Variants in DCAKD observed in about 807,000 individuals in gnomAD.
DCAKD encodes dephospho-CoA kinase domain-containing protein.
A neutral mutation model predicts 18.7 loss-of-function variants in DCAKD; 15 were observed. The observed-to-expected ratio is 0.80, with a 90% confidence interval of 0.54 to 1.24. DCAKD has a LOEUF of 1.24. Ranked by LOEUF, DCAKD falls within the 50% of genes most tolerant of loss-of-function variation. The pLI is 0.00. For synonymous variants in DCAKD, 130 were observed against 133.0 expected (o/e 0.98, Z 0.16); for missense variants, 301 against 322.0 (o/e 0.93, Z 0.50).
chr17:45,056,971 G>C (rs1262651241), intron 1 of DCAKD, among the ~76,000 whole-genome samples: 1 of 151,272 alleles, frequency 6.6e-6, no homozygotes, highest in African/African-American at 2.4e-5. Context: ...GTTTCACCAT[G>C]TTAGCCAGGA....
Position 45,034,321 on chromosome 17 carries a change from T to C in DCAKD, c.182A>G (p.Asn61Ser). ...EVFGTEVLLENGDINRKVLGD... is the reference protein window; with the variant it reads ...EVFGTEVLLESGDINRKVLGD... ...CAGGACCTTGCGATTTATGTCGCCG[T>C]TCTCCAGCAAGACCTCAGTGCCGAA... The change falls in exon 3 of 5, where the codon AAC becomes AGC. Residue 61 changes from asparagine to serine, a missense_variant. Transcript: ENST00000651974. 1 of 1,614,110 alleles carries C rather than the reference T, an allele frequency of 6.2e-7. No individual in the cohort carries two copies. The highest frequency in any genetic ancestry group is 8.5e-7 in the Non-Finnish European group (1 of 1,180,034).
chr17:45,031,035 G>A, intron 3 of DCAKD: 2 of 985,404 alleles, frequency 2.0e-6, no homozygotes, highest in Middle Eastern at 5.2e-4. Context: ...AAAGCTGGGA[G>A]GGCTCCAGGA....
intron 1 of DCAKD, among the ~76,000 whole-genome samples, chr17:45,048,213 ACT>A (rs1283536848): frequency 1.3e-5 from 2 of 150,694 alleles, no homozygotes; most frequent in African/African-American, 4.9e-5. Flanking sequence ...ACATAGTGAG[ACT>A]CTGTCTCTAC....
chr17:45,049,327 T>C (rs2053638824), intron 1 of DCAKD, among the ~76,000 whole-genome samples: 1 of 151,776 alleles, frequency 6.6e-6, no homozygotes, highest in South Asian at 2.1e-4. Context: ...CTTAGTTACT[T>C]TGGTGGCTAA....
At chr17:45,025,744 C>CTTTTTTTTTT in intron 4 of DCAKD, among the ~76,000 whole-genome samples, 1 of 103,882 alleles carries the variant, frequency 9.6e-6, no homozygotes, top group Non-Finnish European at 1.8e-5. Flanking sequence ...TTGGTTCCTT[C>CTTTTTTTTTT]TTTTTTTTTT....
At chr17:45,043,872 C>T (rs1217713977) in intron 1 of DCAKD, among the ~76,000 whole-genome samples, 1 of 152,068 alleles carries the variant, frequency 6.6e-6, no homozygotes, top group African/African-American at 2.4e-5. Context: ...GCCTCTCTCA[C>T]ACCCTCCATC....
rs1331940862 is a variant in DCAKD, at chr17:45,023,372, C to CT, written c.*1060dup. 2 of 152,204 alleles carry CT rather than the reference C, an allele frequency of 1.3e-5. No individual in the cohort carries two copies. The highest frequency in any genetic ancestry group is 2.9e-5 in the Non-Finnish European group (2 of 68,060). 9.4% of individuals were successfully genotyped at this position (152,204 alleles called of 1,614,324 possible). On this transcript the variant is annotated 3_prime_UTR_variant, in exon 5 of 5. Coordinates refer to ENST00000651974, the MANE Select transcript of DCAKD (RefSeq NM_001288655.2). ...GTCTGGGGCATTTCAGATCAACACACTTTATTAAACACCAACAGCGGGCCA... is the reference window on the plus strand; with the variant it reads ...GTCTGGGGCATTTCAGATCAACACACTTTTATTAAACACCAACAGCGGGCCA...
In DCAKD at chr17:45,024,227, G is replaced by C. The variant is rs1366678608; in HGVS notation, c.*206C>G. On this transcript the variant is annotated 3_prime_UTR_variant, in exon 5 of 5. Coordinates refer to ENST00000651974, the MANE Select transcript of DCAKD (RefSeq NM_001288655.2). ...GCAGGCTATTTCTTGATCTCAAATA[G>C]GATACACTCCAAAGACGGGATGGCC... 1 of 625,400 alleles carries C rather than the reference G, an allele frequency of 1.6e-6. No homozygotes were observed. Among genetic ancestry groups the C allele is most frequent in the African/African-American group, 1.8e-5 (1 of 54,752 alleles). 38.7% of individuals were successfully genotyped at this position (625,400 alleles called of 1,614,324 possible).
In DCAKD at chr17:45,026,005, G is replaced by C. The variant is rs539125284; in HGVS notation, c.405-1281C>G. On this transcript the variant is annotated intron_variant, in intron 4 of 4. Coordinates refer to ENST00000651974, the MANE Select transcript of DCAKD (RefSeq NM_001288655.2). The stretch of plus-strand genomic sequence containing the variant: ...ACAATCTCTGCTCACTGTAGCCTCT[G>C]TCTCTTGGGATCAAGAGGTCTTCCT... 3.3e-5 allele frequency among the ~76,000 whole-genome samples: 5 copies of C among 151,580 alleles called. No homozygotes were observed. The East Asian group carries it at 9.7e-4, about 29-fold the overall frequency.
chr17:45,054,993 C>A (rs1269239553), upstream of DCAKD, among the ~76,000 whole-genome samples: 1 of 152,190 alleles, frequency 6.6e-6, no homozygotes, highest in Non-Finnish European at 1.5e-5. Context: ...CCAAAAGCAG[C>A]TGCACCTCTG....
chr17:45,052,102 C>A (rs141126897), upstream of DCAKD, among the ~76,000 whole-genome samples: 1 of 144,732 alleles, frequency 6.9e-6, no homozygotes, highest in African/African-American at 2.5e-5. Flanking sequence ...GGAGGGCGGC[C>A]GGACGGACGC....
intron 1 of DCAKD, among the ~76,000 whole-genome samples, chr17:45,038,674 T>C (rs1056625041): frequency 5.3e-5 from 8 of 152,096 alleles, no homozygotes; most frequent in African/African-American, 1.7e-4. Flanking sequence ...AGAGCACAGA[T>C]GGAAATTCCA....
At chr17:45,048,888 T>G (rs1232024925) in intron 1 of DCAKD, among the ~76,000 whole-genome samples, 1 of 151,886 alleles carries the variant, frequency 6.6e-6, no homozygotes, top group Non-Finnish European at 1.5e-5. Flanking sequence ...CATTCTTTAT[T>G]CCATTATTTT....
chr17:45,054,254 A>ATT (rs1187044772), upstream of DCAKD: 13 of 383,066 alleles, frequency 3.4e-5, no homozygotes, highest in South Asian at 6.0e-5. Context: ...AGTTTTATTT[A>ATT]TTTTTTTTTT....
At position 45,048,236 on chromosome 17, in the gene DCAKD, A is replaced by G. The variant is rs541829892; in HGVS notation, c.-115+3125T>C. Among the ~76,000 whole-genome samples, 14 of 142,154 alleles carry G rather than the reference A, an allele frequency of 9.8e-5. No individual in the cohort carries two copies. In the South Asian group the frequency reaches 3.0e-3, roughly 31 times the overall value. The allele number at this position is 142,154 out of a possible 152,430, so 93.3% of individuals were successfully genotyped here. A position where few individuals can be genotyped will look rare whatever the true frequency, so the allele number is the denominator to read the frequency against. On this transcript the variant is annotated intron_variant, in intron 1 of 4. Coordinates refer to ENST00000651974, the MANE Select transcript of DCAKD (RefSeq NM_001288655.2). ...AGACTCTGTCTCTACAAAAAAATGGAAAAAAAAAAAAATTAGCTGGAATCC... is the reference window on the plus strand; with the variant it reads ...AGACTCTGTCTCTACAAAAAAATGGGAAAAAAAAAAAATTAGCTGGAATCC...
chr17:45,060,311 G>A (rs2053835642), intron 1 of DCAKD, among the ~76,000 whole-genome samples: 1 of 151,912 alleles, frequency 6.6e-6, no homozygotes, highest in Admixed American at 6.6e-5. Flanking sequence ...ATCCTTAGAG[G>A]CCAGGAGTTC....
At chr17:45,046,564 C>T (rs1050257603) in intron 1 of DCAKD, among the ~76,000 whole-genome samples, 6 of 139,892 alleles carry the variant, frequency 4.3e-5, no homozygotes, top group East Asian at 2.1e-4. Context: ...TGCAGTGAGC[C>T]GAGATCGTGC....
intron 1 of DCAKD, among the ~76,000 whole-genome samples, chr17:45,043,611 G>A (rs566138675): frequency 1.6e-4 from 25 of 152,274 alleles, no homozygotes; most frequent in African/African-American, 5.5e-4. Flanking sequence ...GCCTGGAGAC[G>A]GGAGGCGGCA....
intron 1 of DCAKD, among the ~76,000 whole-genome samples, chr17:45,048,162 G>A (rs1567849033): frequency 1.3e-5 from 2 of 151,878 alleles, no homozygotes; most frequent in Non-Finnish European, 2.9e-5. Context: ...GTCAAGGCAG[G>A]AGGATCACTT....
Sources: gnomAD v4.1 joint callset for allele counts (sites outside exome capture counted in the v4.1 genomes callset) on GRCh38, gnomAD v4.1.1 for gene constraint, MANE v1.5 for transcripts, NCBI Gene and HGNC (gene_info 2026-07-23, HGNC 2026-07-21) for gene names.